SLC45A4: variants seen among roughly 807,000 people sequenced by gnomAD.
SLC45A4 encodes the protein solute carrier family 45 member 4, also known as polyamine-transporter SLC45A4.
Under a neutral mutation model 63.7 loss-of-function variants are expected in SLC45A4, and 32 were observed. The ratio of observed to expected loss-of-function variants is 0.50; its 90% confidence interval spans 0.38 to 0.67. The LOEUF (loss-of-function observed/expected upper bound fraction) is 0.67. SLC45A4 is among the 30% of genes least tolerant of loss of function. SLC45A4 has a pLI of 0.00. For missense variants in SLC45A4, 1,027 were observed against 1,157.7 expected (o/e 0.89, Z 1.64); for synonymous variants, 535 against 510.0 (o/e 1.05, Z -0.66).
chr8:141,244,008 C>T (rs150011201), intron 2 of SLC45A4, among the ~76,000 whole-genome samples: 2 of 152,268 alleles, frequency 1.3e-5, no homozygotes, highest in East Asian at 1.9e-4. Context: ...AAAAGCTACA[C>T]ATGGATTTTT....
chr8:141,302,621 C>T (rs922092860), intron 1 of SLC45A4, among the ~76,000 whole-genome samples: 8 of 152,312 alleles, frequency 5.3e-5, no homozygotes, highest in South Asian at 4.1e-4. Context: ...CATGAGCCAC[C>T]GCGGCAGGCG....
At chr8:141,273,344 C>T (rs1182993816) in intron 1 of SLC45A4, among the ~76,000 whole-genome samples, 2 of 152,162 alleles carry the variant, frequency 1.3e-5, no homozygotes, top group Non-Finnish European at 2.9e-5. Flanking sequence ...GCCATGGAAA[C>T]GGTGGCATGC....
At chr8:141,282,768 G>A (rs1201330765) in intron 1 of SLC45A4, among the ~76,000 whole-genome samples, 6 of 152,218 alleles carry the variant, frequency 3.9e-5, no homozygotes, top group East Asian at 1.9e-4. Flanking sequence ...TCTGCCGTGC[G>A]CCTCCAGTGC....
chr8:141,282,956 G>C (rs1369575433), intron 1 of SLC45A4, among the ~76,000 whole-genome samples: 2 of 152,258 alleles, frequency 1.3e-5, no homozygotes, highest in African/African-American at 4.8e-5. Context: ...AGGCCTAGCG[G>C]AGACGTGCAC....
At chr8:141,212,702 C>G in intron 7 of SLC45A4, 146 bp from the exon 8 acceptor site, 2 of 951,042 alleles carry the variant, frequency 2.1e-6, no homozygotes, top group Non-Finnish European at 3.0e-6. Flanking sequence ...CCTGAGCACC[C>G]TCAATCCCCC....
rs776948422 is a variant in SLC45A4, at chr8:141,217,963, C to T, written c.1629+48G>A. The T allele has an allele frequency of 2.5e-5, 38 of 1,531,898 alleles. No homozygotes were observed. In the Middle Eastern group the frequency reaches 1.6e-3, roughly 66 times the overall value. 94.9% of individuals were successfully genotyped at this position (1,531,898 alleles called of 1,614,324 possible). Reference sequence around the variant, plus strand: ...CCAGCCCGTGAGCTTCTCCGTGAGCCGCAGGTGGGCAGAGAGAGCGGCCCC... The same window carrying T: ...CCAGCCCGTGAGCTTCTCCGTGAGCTGCAGGTGGGCAGAGAGAGCGGCCCC... On this transcript the variant is annotated intron_variant, in intron 5 of 8. Coordinates refer to ENST00000517878, the MANE Select transcript of SLC45A4 (RefSeq NM_001286646.2).
At chr8:141,300,642 G>T (rs903926946) in intron 1 of SLC45A4, among the ~76,000 whole-genome samples, 1 of 152,216 alleles carries the variant, frequency 6.6e-6, no homozygotes, top group Non-Finnish European at 1.5e-5. Context: ...GGGCGGAGCA[G>T]GGTGACCAGA....
intron 1 of SLC45A4, among the ~76,000 whole-genome samples, chr8:141,282,582 C>A (rs1172798697): frequency 1.3e-5 from 2 of 152,268 alleles, no homozygotes; most frequent in Non-Finnish European, 2.9e-5. Flanking sequence ...GTGCACAGCT[C>A]GTGGATGCGG....
At chr8:141,301,760 A>AAAAAAAAAAAAC in intron 1 of SLC45A4, among the ~76,000 whole-genome samples, 1 of 125,894 alleles carries the variant, frequency 7.9e-6, no homozygotes, top group Middle Eastern at 4.4e-3. Context: ...AAAAAAAAAA[A>AAAAAAAAAAAAC]AATCCTGGGC....
chr8:141,219,149 G>C, intron 4 of SLC45A4, 120 bp from the exon 5 acceptor site: 1 of 1,153,704 alleles, frequency 8.7e-7, no homozygotes, highest in Non-Finnish European at 1.2e-6. Flanking sequence ...GGAGTCAGGG[G>C]CTGGAGAAGG....
chr8:141,275,182 A>C (rs1249194879), intron 1 of SLC45A4, among the ~76,000 whole-genome samples: 1 of 152,216 alleles, frequency 6.6e-6, no homozygotes, highest in East Asian at 1.9e-4. Context: ...GAGGAAAGTC[A>C]GTCTATAGTT....
In SLC45A4 at chr8:141,269,504, T is replaced by A. The variant is rs867803687; in HGVS notation, c.-400-14875A>T. Among the ~76,000 whole-genome samples the A allele has an allele frequency of 1.5e-4, 23 of 150,254 alleles. 1 individual carries two copies. Among genetic ancestry groups the A allele is most frequent in the Middle Eastern group, 3.5e-3 (1 of 288 alleles). On this transcript the variant is annotated intron_variant, in intron 1 of 8. Transcript: ENST00000517878. The stretch of plus-strand genomic sequence containing the variant: ...TGTGTGTGTGTGATGTCTGCCTGTG[T>A]CGCGTGTGTGTATCGATGTCTGCCT...
chr8:141,260,175 A>G (rs962364799), intron 1 of SLC45A4, among the ~76,000 whole-genome samples: 15 of 152,256 alleles, frequency 9.9e-5, no homozygotes, highest in African/African-American at 3.6e-4. Flanking sequence ...TATATTGATG[A>G]AAACAACAAA....
chr8:141,270,233 TCAATAAA>T (rs1329521667), intron 1 of SLC45A4, among the ~76,000 whole-genome samples: 1 of 151,596 alleles, frequency 6.6e-6, no homozygotes, highest in Non-Finnish European at 1.5e-5. Flanking sequence ...AATTACTCCA[TCAATAAA>T]GAAAACCAGG....
At chr8:141,220,865 G>A (rs1826576723) in intron 3 of SLC45A4, among the ~76,000 whole-genome samples, 1 of 152,244 alleles carries the variant, frequency 6.6e-6, no homozygotes, top group Non-Finnish European at 1.5e-5. Context: ...CGGACAGGCA[G>A]GGGGCCGGCA....
intron 2 of SLC45A4, among the ~76,000 whole-genome samples, chr8:141,251,278 C>T (rs771760080): frequency 2.0e-5 from 3 of 152,090 alleles, no homozygotes; most frequent in Non-Finnish European, 4.4e-5. Flanking sequence ...AAGGTCTAGT[C>T]GCGAAAGTGG....
rs139911158 is a variant in SLC45A4 at position 141,218,844 on chromosome 8, C to T, written c.796G>A (p.Ala266Thr). 1.4e-4 allele frequency: 219 copies of T among 1,613,174 alleles called. No individual in the cohort carries two copies. Among genetic ancestry groups the T allele is most frequent in the African/African-American group, 3.5e-4 (26 of 74,940 alleles). Residue 266 changes from alanine (A) to threonine (T), a missense_variant, in exon 5 of 9, where the codon GCT (alanine) becomes ACT (threonine). Physicochemically the swap from Ala to Thr is moderately conservative, Grantham distance 58. Transcript: ENST00000517878. The stretch of plus-strand genomic sequence containing the variant: ...CCATCCAGGGCGCCGGGCTCCTCAG[C>T]GCTGCGCTCCTGCTGCGGGCTGTAC... ...EQYSPQQERS[A>T]EEPGALDGGE...
At chr8:141,222,677 C>T (rs965165349) in intron 2 of SLC45A4, among the ~76,000 whole-genome samples, 1 of 152,364 alleles carries the variant, frequency 6.6e-6, no homozygotes, top group African/African-American at 2.4e-5. Flanking sequence ...AACGAGCGGC[C>T]GCCTTGTGCA....
intron 1 of SLC45A4, chr8:141,292,659 T>G (rs1365454124): frequency 6.6e-6 from 1 of 152,598 alleles, no homozygotes; most frequent in Non-Finnish European, 1.5e-5. Context: ...CTCGGTCCAG[T>G]CCTTCCACTG....
Sources: allele counts gnomAD v4.1 joint callset (sites outside exome capture counted in the v4.1 genomes callset), GRCh38; gene constraint gnomAD v4.1.1; transcripts MANE v1.5; gene names NCBI Gene and HGNC (gene_info 2026-07-23, HGNC 2026-07-21).